The following CACNA1I variants were observed in gnomAD, a reference collection of about 807,000 sequenced individuals.
CACNA1I encodes calcium voltage-gated channel subunit alpha1 I, also known as voltage-dependent T-type calcium channel subunit alpha-1I.
A neutral mutation model predicts 201.6 loss-of-function variants in CACNA1I; 74 were observed. The observed-to-expected ratio is 0.37, with a 90% CI of 0.30 to 0.45. The LOEUF is 0.45. Ranked by LOEUF, CACNA1I falls within the 20% of genes least tolerant of loss-of-function variation. CACNA1I has a pLI of 1.00. For missense variants in CACNA1I, 2,346 were observed against 3,138.1 expected (o/e 0.75, Z 6.03); for synonymous variants, 1,431 against 1,345.2 (o/e 1.06, Z -1.40).
rs996800544 is a variant in CACNA1I at position 39,676,223 on chromosome 22, C to T, written c.4855-1118C>T. Among the ~76,000 whole-genome samples the T allele has an allele frequency of 2.0e-5, 3 of 152,202 alleles. No individual in the cohort carries two copies. The highest frequency in any genetic ancestry group is 2.9e-5 in the Non-Finnish European group (2 of 68,036). The stretch of plus-strand genomic sequence containing the variant: ...GCACAAAGCTGAATTCCTAGAGCCG[C>T]GACCACGCCAGATCCTTCTCAGCGG... On this transcript the variant is annotated intron_variant, in intron 29 of 36. Coordinates refer to ENST00000402142, the MANE Select transcript of CACNA1I (RefSeq NM_021096.4). The surrounding 1 kb of genome is among the most constrained non-coding windows in gnomAD (Gnocchi z 4.8).
At chr22:39,660,913 A>G (rs1226929357) in intron 15 of CACNA1I, among the ~76,000 whole-genome samples, 195 bp from the exon 16 acceptor site, 5 of 152,020 alleles carry the variant, frequency 3.3e-5, no homozygotes, top group Non-Finnish European at 2.9e-5. Context: ...AAATAAAGCT[A>G]AGAGCCCTGC....
chr22:39,630,217 C>G (rs774525738), intron 4 of CACNA1I, among the ~76,000 whole-genome samples: 2 of 152,186 alleles, frequency 1.3e-5, no homozygotes, highest in Non-Finnish European at 2.9e-5. Flanking sequence ...AATGTTCACC[C>G]GACCCCAGGC....
At chr22:39,663,344 A>C (rs529730323) in intron 18 of CACNA1I, among the ~76,000 whole-genome samples, 1 of 152,284 alleles carries the variant, frequency 6.6e-6, no homozygotes, top group African/African-American at 2.4e-5. Flanking sequence ...GTGGCATTCC[A>C]GTAGGCACAT....
intron 1 of CACNA1I, among the ~76,000 whole-genome samples, chr22:39,574,541 A>C (rs969360320): frequency 6.6e-6 from 1 of 150,540 alleles, no homozygotes; most frequent in Non-Finnish European, 1.5e-5. Flanking sequence ...TGGAAACTTC[A>C]CTCCCTCTTG....
intron 4 of CACNA1I, among the ~76,000 whole-genome samples, chr22:39,630,719 C>T (rs1269981828): frequency 1.3e-5 from 2 of 152,230 alleles, no homozygotes; most frequent in African/African-American, 2.4e-5. Flanking sequence ...ACAAGGCGAC[C>T]GCTCAGCTGA....
At chr22:39,620,934 T>G (rs1457469849) in intron 4 of CACNA1I, among the ~76,000 whole-genome samples, 1 of 152,072 alleles carries the variant, frequency 6.6e-6, no homozygotes, top group African/African-American at 2.4e-5. Context: ...ATTTTTGTAT[T>G]TTTAGTAGGG....
Position 39,662,267 on chromosome 22 carries a change from C to A in CACNA1I, c.3204C>A (p.Ala1068=), listed in dbSNP as rs753699868. 1.3e-6 allele frequency: 2 copies of A among 1,518,806 alleles called. No homozygotes were observed. Among genetic ancestry groups the A allele is most frequent in the Non-Finnish European group, 1.8e-6 (2 of 1,138,554 alleles). 94.1% of individuals were successfully genotyped at this position (1,518,806 alleles called of 1,614,324 possible). ...SLDNRDSVDL[A]ELVPAVGAHP... ...ACAACAGGGACTCGGTGGACCTGGC[C>A]GAGCTGGTGCCCGCGGTGGGCGCCC... The change falls in exon 17 of 37, where the codon GCC becomes GCA. Residue 1068 remains alanine (A), a synonymous_variant. Transcript: ENST00000402142.
At chr22:39,589,728 GGGCCTGA>G (rs1455696225) in intron 1 of CACNA1I, among the ~76,000 whole-genome samples, 2 of 152,134 alleles carry the variant, frequency 1.3e-5, no homozygotes, top group African/African-American at 4.8e-5. Flanking sequence ...CAGGCCTGGA[GGGCCTGA>G]GGCCTGAGCT....
chr22:39,570,932 C>T lies in CACNA1I; in HGVS notation c.180C>T (p.Phe60=). ...CAGACCTGGCGCCTATTGCCTTCTTCTGCCTGCGACAGACCACCAGCCCCC... is the reference window on the plus strand; with the variant it reads ...CAGACCTGGCGCCTATTGCCTTCTTTTGCCTGCGACAGACCACCAGCCCCC... ...PHPDLAPIAF[F]CLRQTTSPRN... Residue 60 remains phenylalanine (F), a synonymous_variant, in exon 1 of 37, where the codon TTC becomes TTT. Coordinates refer to ENST00000402142, the MANE Select transcript of CACNA1I (RefSeq NM_021096.4). 1 of 1,613,878 alleles carries T rather than the reference C, an allele frequency of 6.2e-7. No individual in the cohort carries two copies. The highest frequency in any genetic ancestry group is 1.3e-5 in the African/African-American group (1 of 74,998).
intron 4 of CACNA1I, among the ~76,000 whole-genome samples, chr22:39,623,582 GTGTT>G (rs1011976302): frequency 2.1e-4 from 32 of 149,138 alleles, no homozygotes; most frequent in African/African-American, 7.4e-4. Flanking sequence ...GCCTGTGAGA[GTGTT>G]TGCTGTGATG....
intron 14 of CACNA1I, 51 bp from the exon 15 acceptor site, chr22:39,660,292 GA>G: frequency 7.2e-7 from 1 of 1,389,542 alleles, no homozygotes; most frequent in Non-Finnish European, 1.0e-6. Context: ...AGGGAGCTGG[GA>G]AGGGAGGAGC....
intron 24 of CACNA1I, among the ~76,000 whole-genome samples, chr22:39,669,467 C>T (rs943924034): frequency 4.1e-4 from 62 of 152,000 alleles, no homozygotes; most frequent in African/African-American, 1.4e-3. Flanking sequence ...TCTGGATGGG[C>T]GAATAAGTGG....
chr22:39,598,318 T>A, intron 2 of CACNA1I, 56 bp downstream of exon 2: 1 of 604,684 alleles, frequency 1.7e-6, no homozygotes, highest in East Asian at 8.7e-5. Flanking sequence ...GGACCCGGCC[T>A]ATGCCCCGCC....
intron 1 of CACNA1I, among the ~76,000 whole-genome samples, chr22:39,581,416 C>T (rs1327867836): frequency 2.0e-5 from 3 of 152,262 alleles, no homozygotes; most frequent in South Asian, 4.2e-4. Flanking sequence ...AGGGGAGGCA[C>T]CGGTGTGGAT....
chr22:39,641,259 G>T lies in CACNA1I; in HGVS notation c.1056+77G>T, dbSNP rs145058309. On this transcript the variant is annotated intron_variant, in intron 6 of 36. Transcript: ENST00000402142. The stretch of plus-strand genomic sequence containing the variant: ...CCTGGTGGGCAGGGCTCTGTGCTAG[G>T]CATTTGCCAGCCCTCATCTCACTGA... 3.2e-6 allele frequency: 4 copies of T among 1,258,266 alleles called. No homozygotes were observed. In the African/African-American group the frequency reaches 5.9e-5, roughly 19 times the overall value. The allele number at this position is 1,258,266 out of a possible 1,614,324, so 77.9% of individuals were successfully genotyped here.
At chr22:39,605,530 C>T (rs1479534342) in intron 3 of CACNA1I, among the ~76,000 whole-genome samples, 3 of 152,214 alleles carry the variant, frequency 2.0e-5, no homozygotes, top group Non-Finnish European at 4.4e-5. Flanking sequence ...TACTACATGC[C>T]AGGCCTTGTG....
Position 39,677,869 on chromosome 22 carries a change from C to T in CACNA1I, c.4934-118C>T. 1 of 1,194,088 alleles carries T rather than the reference C, an allele frequency of 8.4e-7. No homozygotes were observed. The highest frequency in any genetic ancestry group is 1.1e-6 in the Non-Finnish European group (1 of 870,720). 74.0% of individuals were successfully genotyped at this position (1,194,088 alleles called of 1,614,324 possible). A position where few individuals can be genotyped will look rare whatever the true frequency, so the allele number is the denominator to read the frequency against. On this transcript the variant is annotated intron_variant, in intron 30 of 36. Transcript: ENST00000402142. The surrounding 1 kb of genome is among the most constrained non-coding windows in gnomAD (Gnocchi z 4.8). ...AGTTTATCTGTGGGCTGGGCACAGT[C>T]TGCAGGCCCCTCCTAGGGTGTGATG... is the stretch of plus-strand genomic sequence containing the variant.
intron 2 of CACNA1I, among the ~76,000 whole-genome samples, chr22:39,599,550 C>G (rs1370550273): frequency 7.8e-6 from 1 of 128,274 alleles, no homozygotes; most frequent in East Asian, 2.5e-4. Flanking sequence ...ACCCGGGAGG[C>G]GGAGCTTGCA....
chr22:39,673,127 G>A (rs540693540), intron 28 of CACNA1I, 45 bp downstream of exon 28: 43 of 1,576,740 alleles, frequency 2.7e-5, no homozygotes, highest in Non-Finnish European at 3.3e-5. Flanking sequence ...AAGCAGGGGC[G>A]GGATGAGACT....
Sources: gnomAD v4.1 joint callset for allele counts (sites outside exome capture counted in the v4.1 genomes callset) on GRCh38, gnomAD v4.1.1 for gene constraint, Gnocchi (gnomAD v3.1) non-coding constraint, MANE v1.5 for transcripts, NCBI Gene and HGNC (gene_info 2026-07-23, HGNC 2026-07-21) for gene names.